Variants in PLEKHA5 observed in about 807,000 individuals in gnomAD.
The protein encoded by PLEKHA5 is pleckstrin homology domain-containing family A member 5.
PLEKHA5 carries 55 observed loss-of-function variants against 181.9 expected under a neutral mutation model. That is an observed-to-expected ratio of 0.30 (90% CI 0.24 to 0.38). PLEKHA5 has a LOEUF of 0.38. PLEKHA5 is among the 10% of genes least tolerant of loss of function. The pLI, the probability that PLEKHA5 is intolerant of heterozygous loss-of-function variation, is 1.00. For synonymous variants in PLEKHA5, 535 were observed against 529.4 expected (o/e 1.01, Z -0.15); for missense variants, 1,432 against 1,549.5 (o/e 0.92, Z 1.27).
chr12:19,215,720 A>G (rs2057842599), intron 3 of PLEKHA5, among the ~76,000 whole-genome samples: 1 of 152,220 alleles, frequency 6.6e-6, no homozygotes, highest in Non-Finnish European at 1.5e-5. Context: ...TCTAGCCAAC[A>G]AGAGCTATAA....
At chr12:19,297,906 G>T (rs1478968472) in intron 15 of PLEKHA5, among the ~76,000 whole-genome samples, 2 of 151,564 alleles carry the variant, frequency 1.3e-5, no homozygotes, top group African/African-American at 4.8e-5. Context: ...GAGGAGGAGG[G>T]TAAGAAAATC....
intron 3 of PLEKHA5, among the ~76,000 whole-genome samples, chr12:19,191,564 A>AAGATACGTTGTAACCTAATT (rs2151957935): frequency 6.6e-6 from 1 of 152,348 alleles, no homozygotes; most frequent in Non-Finnish European, 1.5e-5. Flanking sequence ...TATACAAAAT[A>AAGATACGTTGTAACCTAATT]AGATACGTTG....
At chr12:19,360,338 G>A (rs1421670473) in intron 28 of PLEKHA5, among the ~76,000 whole-genome samples, 1 of 151,888 alleles carries the variant, frequency 6.6e-6, no homozygotes, top group African/African-American at 2.4e-5. Context: ...CGGGCACAGT[G>A]GCTCATGCCT....
At chr12:19,225,469 G>A (rs1030675411) in intron 3 of PLEKHA5, among the ~76,000 whole-genome samples, 3 of 152,132 alleles carry the variant, frequency 2.0e-5, no homozygotes, top group African/African-American at 7.2e-5. Context: ...TGGAGTTTTA[G>A]TACAGAATTT....
At chr12:19,161,210 C>T (rs78601664) in intron 3 of PLEKHA5, among the ~76,000 whole-genome samples, 1,537 of 151,744 alleles carry the variant, frequency 0.01, 21 homozygotes, top group African/African-American at 0.036. Context: ...TATTTTTTTT[C>T]CCCACTCTTT....
At chr12:19,256,802 G>GGTAA (rs1431911219) in intron 5 of PLEKHA5, among the ~76,000 whole-genome samples, 1 of 151,992 alleles carries the variant, frequency 6.6e-6, no homozygotes, top group African/African-American at 2.4e-5. Context: ...AAATCTTCAT[G>GGTAA]GTAACCATAG....
intron 21 of PLEKHA5, among the ~76,000 whole-genome samples, chr12:19,339,341 A>G (rs992435689): frequency 1.5e-4 from 23 of 152,186 alleles, no homozygotes; most frequent in African/African-American, 4.6e-4. Flanking sequence ...GTGCCCGGCT[A>G]TAACTTCTTA....
intron 3 of PLEKHA5, among the ~76,000 whole-genome samples, chr12:19,142,783 T>C (rs1270688433): frequency 2.0e-5 from 3 of 152,330 alleles, no homozygotes; most frequent in African/African-American, 4.8e-5. Context: ...AGTGTAACTC[T>C]ATACTCACTT....
chr12:19,325,608 A>G (rs1163543984), intron 20 of PLEKHA5, among the ~76,000 whole-genome samples: 23 of 151,328 alleles, frequency 1.5e-4, no homozygotes, highest in Non-Finnish European at 3.1e-4. Context: ...GAATTGCTTG[A>G]ACCCGGGAGG....
At chr12:19,314,763 A>G (rs1366219669) in intron 15 of PLEKHA5, 51 bp from the exon 16 acceptor site, 2 of 943,474 alleles carry the variant, frequency 2.1e-6, no homozygotes, top group Admixed American at 4.0e-5. Context: ...TTTCAAATCT[A>G]GCTATGCTGT....
At chr12:19,188,913 A>G (rs913294995) in intron 3 of PLEKHA5, among the ~76,000 whole-genome samples, 7 of 152,234 alleles carry the variant, frequency 4.6e-5, no homozygotes, top group Non-Finnish European at 1.0e-4. Flanking sequence ...AGCTTTTATT[A>G]TACACCAAGA....
At chr12:19,169,853 C>G (rs916027863) in intron 3 of PLEKHA5, among the ~76,000 whole-genome samples, 2 of 152,204 alleles carry the variant, frequency 1.3e-5, no homozygotes, top group Admixed American at 6.5e-5. Context: ...TCTTTCTCAT[C>G]TACTTTGTGT....
At chr12:19,317,307 T>G (rs2089211881) in intron 16 of PLEKHA5, among the ~76,000 whole-genome samples, 2 of 151,508 alleles carry the variant, frequency 1.3e-5, no homozygotes, top group Admixed American at 6.6e-5. Context: ...GTGATTACGA[T>G]TACACCACTG....
chr12:19,231,802 A>G (rs929274748), intron 3 of PLEKHA5, among the ~76,000 whole-genome samples: 25 of 151,936 alleles, frequency 1.6e-4, no homozygotes, highest in African/African-American at 6.0e-4. Context: ...TTAAGTTTTT[A>G]TACTACATTT....
At chr12:19,246,495 C>T (rs1216346664) in intron 3 of PLEKHA5, among the ~76,000 whole-genome samples, 15 of 151,286 alleles carry the variant, frequency 9.9e-5, no homozygotes, top group Admixed American at 2.6e-4. Flanking sequence ...TGGTGGCAGG[C>T]GCCTGTAATC....
At chr12:19,287,003 A>G (rs2077361973) in intron 12 of PLEKHA5, among the ~76,000 whole-genome samples, 1 of 150,330 alleles carries the variant, frequency 6.7e-6, no homozygotes, top group Admixed American at 6.6e-5. Flanking sequence ...GCTCATCCAC[A>G]TCATTATTTT....
intron 3 of PLEKHA5, among the ~76,000 whole-genome samples, chr12:19,241,434 A>G (rs1480229939): frequency 6.6e-6 from 1 of 152,178 alleles, no homozygotes; most frequent in African/African-American, 2.4e-5. Context: ...ATAAATACAT[A>G]CTGTCTTAAT....
At chr12:19,252,967 A>G (rs12823958) in intron 3 of PLEKHA5, among the ~76,000 whole-genome samples, 16,141 of 151,256 alleles carry the variant, frequency 0.11, 1,074 homozygotes, top group Admixed American at 0.21. Flanking sequence ...GTAGACACTC[A>G]TACTTACTTT....
In PLEKHA5 at chr12:19,130,160, C is replaced by T. The variant is rs2033036151; in HGVS notation, c.169+30C>T. On this transcript the variant is annotated intron_variant, in intron 2 of 31. Coordinates refer to ENST00000429027, the MANE Select transcript of PLEKHA5 (RefSeq NM_001256470.2). The surrounding 1 kb of genome is among the most constrained non-coding windows in gnomAD (Gnocchi z 4.5). The stretch of plus-strand genomic sequence containing the variant: ...CGCCGGGCCCAAACGGAGTTGGGCT[C>T]CGCCTGGAGGAGGCGGCAGAGCCCG... The T allele has an allele frequency of 3.4e-6, 5 of 1,464,040 alleles. No homozygotes were observed. The highest frequency in any genetic ancestry group is 1.3e-5 in the South Asian group (1 of 79,822). 90.7% of individuals were successfully genotyped at this position (1,464,040 alleles called of 1,614,324 possible). A position where few individuals can be genotyped will look rare whatever the true frequency, so the allele number is the denominator to read the frequency against.
Sources: allele counts gnomAD v4.1 joint callset (sites outside exome capture counted in the v4.1 genomes callset), GRCh38; gene constraint gnomAD v4.1.1; non-coding constraint Gnocchi (gnomAD v3.1); transcripts MANE v1.5; gene names NCBI Gene and HGNC (gene_info 2026-07-23, HGNC 2026-07-21).